Variants in DCC observed in about 807,000 individuals in gnomAD.
DCC encodes the protein netrin receptor DCC.
In DCC, 58 loss-of-function variants were observed where a neutral mutation model predicts 172.5. That is an observed-to-expected ratio of 0.34 (90% CI 0.27 to 0.42). The LOEUF is 0.42. Among genes scored for constraint, DCC ranks in the 10% least tolerant of loss-of-function variants. The pLI is 1.00. For missense variants in DCC, 1,740 were observed against 1,791.0 expected (o/e 0.97, Z 0.51); for synonymous variants, 709 against 644.5 (o/e 1.10, Z -1.52).
At chr18:53,132,498 C>A (rs1274405689) in intron 7 of DCC, among the ~76,000 whole-genome samples, 1 of 152,100 alleles carries the variant, frequency 6.6e-6, no homozygotes, top group Non-Finnish European at 1.5e-5. Context: ...GGTCTTCCAA[C>A]CATTGTTCTT....
chr18:52,712,692 T>G (rs1418102294), intron 1 of DCC, among the ~76,000 whole-genome samples: 1 of 152,232 alleles, frequency 6.6e-6, no homozygotes, highest in Non-Finnish European at 1.5e-5. Context: ...AACACTCATG[T>G]TGGCATTCTT....
intron 27 of DCC, among the ~76,000 whole-genome samples, chr18:53,516,831 C>G (rs1324658897): frequency 7.1e-6 from 1 of 141,434 alleles, no homozygotes; most frequent in Non-Finnish European, 1.5e-5. Flanking sequence ...GAAATAGGAA[C>G]ACTTTGACAC....
At chr18:53,043,477 A>T (rs7505483) in intron 5 of DCC, among the ~76,000 whole-genome samples, 41,829 of 151,788 alleles carry the variant, frequency 0.28, 6,325 homozygotes, top group African/African-American at 0.39. Flanking sequence ...TAAATAATTA[A>T]AAACAAGAGG....
chr18:52,799,922 A>G (rs28533056), intron 2 of DCC, among the ~76,000 whole-genome samples: 6,187 of 152,280 alleles, frequency 0.041, 213 homozygotes, highest in South Asian at 0.16. Flanking sequence ...TTCTTCAGTT[A>G]CATCATTTTT....
chr18:53,523,171 C>T (rs892696501), intron 27 of DCC, among the ~76,000 whole-genome samples: 6 of 152,150 alleles, frequency 3.9e-5, no homozygotes, highest in African/African-American at 1.4e-4. Context: ...AAAGGCTCAT[C>T]ATCACTGGTC....
chr18:52,492,473 G>C (rs1358715248), intron 1 of DCC, among the ~76,000 whole-genome samples: 1 of 151,904 alleles, frequency 6.6e-6, no homozygotes, highest in Non-Finnish European at 1.5e-5. Flanking sequence ...AGAAGCAGGG[G>C]TGGTTTCTTC....
chr18:52,448,044 C>T (rs1042696590), intron 1 of DCC, among the ~76,000 whole-genome samples: 2 of 152,110 alleles, frequency 1.3e-5, no homozygotes, highest in Non-Finnish European at 1.5e-5. Flanking sequence ...AACCCCAGGG[C>T]CACAAACTGG....
intron 2 of DCC, among the ~76,000 whole-genome samples, chr18:52,767,312 A>G (rs2037270037): frequency 6.6e-6 from 1 of 152,172 alleles, no homozygotes; most frequent in South Asian, 2.1e-4. Flanking sequence ...AAAAGTCAGA[A>G]GTAAAGTTTG....
intron 12 of DCC, among the ~76,000 whole-genome samples, chr18:53,254,331 A>C (rs971825808): frequency 1.1e-4 from 17 of 152,062 alleles, no homozygotes; most frequent in Admixed American, 1.1e-3. Context: ...TAAAGTGGTC[A>C]TGAATACCTG....
chr18:53,022,544 C>CGTGT (rs10686492), intron 5 of DCC, among the ~76,000 whole-genome samples: 18 of 85,558 alleles, frequency 2.1e-4, no homozygotes, highest in African/African-American at 4.5e-4. Flanking sequence ...TATATATGTG[C>CGTGT]GTGTGTGTGT....
intron 22 of DCC, among the ~76,000 whole-genome samples, chr18:53,445,358 A>G (rs1234635213): frequency 6.6e-6 from 1 of 152,202 alleles, no homozygotes; most frequent in Admixed American, 6.5e-5. Context: ...ATCCCCAACT[A>G]TACACTTTCA....
intron 5 of DCC, among the ~76,000 whole-genome samples, chr18:52,979,672 G>A (rs2041175386): frequency 6.6e-6 from 1 of 152,182 alleles, no homozygotes; most frequent in African/African-American, 2.4e-5. Context: ...AGTTACCCAT[G>A]AGGAGTCTGA....
In DCC at chr18:53,530,814, G is replaced by C; in HGVS notation, c.*161G>C. On this transcript the variant is annotated 3_prime_UTR_variant, in exon 29 of 29. Transcript: ENST00000442544. ...TCCTGAAGCAGTTCAGAAGGAATAA[G>C]CATTCCTTCTTTCACAGGCATCAGG... 1 of 685,320 alleles carries C rather than the reference G, an allele frequency of 1.5e-6. No individual in the cohort carries two copies. The highest frequency in any genetic ancestry group is 2.7e-6 in the Non-Finnish European group (1 of 372,352). The allele number at this position is 685,320 out of a possible 1,614,324, so 42.5% of individuals were successfully genotyped here. A position where few individuals can be genotyped will look rare whatever the true frequency, so the allele number is the denominator to read the frequency against.
chr18:53,323,417 T>A (rs1247830592), intron 14 of DCC, among the ~76,000 whole-genome samples: 1 of 152,244 alleles, frequency 6.6e-6, no homozygotes, highest in African/African-American at 2.4e-5. Flanking sequence ...TGTGACTGCA[T>A]ATTAATTCAA....
At chr18:52,630,419 C>A (rs1256878477) in intron 1 of DCC, among the ~76,000 whole-genome samples, 1 of 152,182 alleles carries the variant, frequency 6.6e-6, no homozygotes, top group Non-Finnish European at 1.5e-5. Context: ...AAGCATCTGA[C>A]TTCATTTTAC....
chr18:52,749,667 A>T (rs1450808798), intron 1 of DCC, among the ~76,000 whole-genome samples: 2 of 124,552 alleles, frequency 1.6e-5, no homozygotes, highest in African/African-American at 5.2e-5. Context: ...AAACTGTCAT[A>T]ATCTCCTTGT....
rs2055609184 is a variant in DCC at position 53,205,374 on chromosome 18, G to A, written c.1722+10G>A. On this transcript the variant is annotated intron_variant, in intron 10 of 28. Coordinates refer to ENST00000442544, the MANE Select transcript of DCC (RefSeq NM_005215.4). ...CACAGGAAAAGAACAGGTAGGTGAA[G>A]GAATGGACCACACTGCTTCCATCTG... is the stretch of plus-strand genomic sequence containing the variant. 8 of 1,613,374 alleles carry A rather than the reference G, an allele frequency of 5.0e-6. No individual in the cohort carries two copies. The highest frequency in any genetic ancestry group is 6.8e-6 in the Non-Finnish European group (8 of 1,179,406).
chr18:52,717,239 T>G (rs1168847745), intron 1 of DCC, among the ~76,000 whole-genome samples: 2 of 152,082 alleles, frequency 1.3e-5, no homozygotes, highest in Non-Finnish European at 2.9e-5. Context: ...ACAAGGCCCA[T>G]AAAGCTAAAT....
At chr18:53,397,479 A>T (rs1321935725) in intron 18 of DCC, 33 bp downstream of exon 18, 6 of 1,612,976 alleles carry the variant, frequency 3.7e-6, no homozygotes, top group Middle Eastern at 1.6e-4. Context: ...TGGACCCTTG[A>T]TAATGGTGTT....
Sources: allele counts gnomAD v4.1 joint callset (sites outside exome capture counted in the v4.1 genomes callset), GRCh38; gene constraint gnomAD v4.1.1; transcripts MANE v1.5; gene names NCBI Gene and HGNC (gene_info 2026-07-23, HGNC 2026-07-21).